Variants in CEP83 observed in about 807,000 individuals in gnomAD.
CEP83 encodes the protein centrosomal protein of 83 kDa.
Under a neutral mutation model 101.9 loss-of-function variants are expected in CEP83, and 70 were observed. The ratio of observed to expected loss-of-function variants is 0.69; its 90% confidence interval spans 0.57 to 0.84. CEP83 has a LOEUF of 0.84. Ranked by LOEUF, CEP83 falls within the 40% of genes least tolerant of loss-of-function variation. CEP83 has a pLI of 0.00. For synonymous variants in CEP83, 264 were observed against 267.9 expected, an observed-to-expected ratio of 0.99 and a Z score of 0.14; for missense variants, 715 against 787.2, an observed-to-expected ratio of 0.91 and a Z score of 1.10.
chr12:94,427,405 T>C (rs1247285410), intron 2 of CEP83, among the ~76,000 whole-genome samples: 1 of 152,244 alleles, frequency 6.6e-6, no homozygotes, highest in East Asian at 1.9e-4. Context: ...AAAAGACTAG[T>C]ACAACCTTTT....
intron 7 of CEP83, 140 bp from the exon 8 acceptor site, chr12:94,376,157 T>G (rs2061524640): frequency 2.2e-6 from 1 of 465,024 alleles, no homozygotes; most frequent in Admixed American, 4.4e-5. Flanking sequence ...TAACAAAAAT[T>G]TTCTCAAACT....
intron 1 of CEP83, among the ~76,000 whole-genome samples, chr12:94,439,427 T>C (rs959251479): frequency 7.2e-5 from 11 of 151,834 alleles, no homozygotes; most frequent in African/African-American, 2.7e-4. Context: ...CTAGAAAACC[T>C]AGAGGAGATG....
intron 6 of CEP83, among the ~76,000 whole-genome samples, chr12:94,380,797 T>A (rs558444151): frequency 2.6e-5 from 4 of 152,202 alleles, no homozygotes; most frequent in Non-Finnish European, 5.9e-5. Flanking sequence ...GTCCCCATTT[T>A]ACACATAGGG....
At chr12:94,297,176 C>T in the CEP83 span, 1 of 1,613,650 alleles carries the variant, frequency 6.2e-7, no homozygotes, top group Non-Finnish European at 8.5e-7. Context: ...CTCCCTCTTT[C>T]TCTGGCATTC....
chr12:94,456,585 A>G (rs1392177948), intron 1 of CEP83, among the ~76,000 whole-genome samples: 1 of 152,206 alleles, frequency 6.6e-6, no homozygotes, highest in Non-Finnish European at 1.5e-5. Flanking sequence ...GAAGCAAGGC[A>G]CCTTCTTCAC....
chr12:94,280,988 C>T, the CEP83 span, among the ~76,000 whole-genome samples: 3 of 152,194 alleles, frequency 2.0e-5, no homozygotes, highest in South Asian at 6.2e-4. Context: ...GTACTGAAAT[C>T]CAACACCAGG....
the CEP83 span, among the ~76,000 whole-genome samples, chr12:94,284,026 T>G: frequency 7.1e-6 from 1 of 141,830 alleles, no homozygotes; most frequent in Non-Finnish European, 1.5e-5. Flanking sequence ...GAGGTTGCAG[T>G]GAGCTGAGAT....
chr12:94,331,357 CTTTTTT>C lies in CEP83; in HGVS notation c.1707+337_1707+342del, dbSNP rs1161292599. On this transcript the variant is annotated intron_variant, in intron 14 of 16. Transcript: ENST00000397809. ...TACTCCATAGAAATCACCTTTTTTCCTTTTTTTTTTTTTTTTTTTTTTTTTTTGCGA... is the reference window on the plus strand; with the variant it reads ...TACTCCATAGAAATCACCTTTTTTCCTTTTTTTTTTTTTTTTTTTTTGCGA... Among the ~76,000 whole-genome samples, 6 of 66,796 alleles carry C rather than the reference CTTTTTT, an allele frequency of 9.0e-5. No individual in the cohort carries two copies. In the Admixed American group the frequency reaches 1.0e-3, roughly 12 times the overall value. The allele number at this position is 66,796 out of a possible 152,430, so 43.8% of individuals were successfully genotyped here. A position where few individuals can be genotyped will look rare whatever the true frequency, so the allele number is the denominator to read the frequency against.
intron 14 of CEP83, 60 bp from the exon 15 acceptor site, chr12:94,313,077 T>C: frequency 2.8e-6 from 2 of 723,574 alleles, no homozygotes; most frequent in Admixed American, 6.3e-5. Context: ...AACAAAACTA[T>C]ATAGAAAATA....
At chr12:94,316,832 G>A (rs970981420) in intron 14 of CEP83, among the ~76,000 whole-genome samples, 3 of 152,016 alleles carry the variant, frequency 2.0e-5, no homozygotes, top group Non-Finnish European at 4.4e-5. Flanking sequence ...TCCATTGATG[G>A]GCATTTAGGT....
chr12:94,361,907 G>T (rs893551661), intron 11 of CEP83, among the ~76,000 whole-genome samples: 2 of 152,090 alleles, frequency 1.3e-5, no homozygotes, highest in Admixed American at 1.3e-4. Flanking sequence ...CACCATGTTG[G>T]TCAGGCTGGT....
At chr12:94,347,690 T>C (rs1040588215) in intron 11 of CEP83, among the ~76,000 whole-genome samples, 3 of 152,150 alleles carry the variant, frequency 2.0e-5, no homozygotes, top group Non-Finnish European at 4.4e-5. Context: ...AAATAAATCA[T>C]ATTACGTTTA....
At chr12:94,379,524 A>G (rs1360772519) in intron 6 of CEP83, among the ~76,000 whole-genome samples, 12 of 152,152 alleles carry the variant, frequency 7.9e-5, no homozygotes, top group Admixed American at 3.3e-4. Context: ...GTGATTGATG[A>G]GAGTTTTTAA....
At chr12:94,305,238 C>A, downstream of CEP83, 9 of 1,611,340 alleles carry the variant, frequency 5.6e-6, no homozygotes, top group South Asian at 1.1e-5. Context: ...ACAACTCTTG[C>A]ATGTAAAAGT....
intron 1 of CEP83, among the ~76,000 whole-genome samples, chr12:94,440,640 A>G (rs1439966613): frequency 6.6e-6 from 1 of 152,092 alleles, no homozygotes; most frequent in East Asian, 1.9e-4. Flanking sequence ...ATTCAATGCA[A>G]TTCCCATCAA....
intron 1 of CEP83, among the ~76,000 whole-genome samples, chr12:94,458,063 G>A (rs923951985): frequency 6.6e-6 from 1 of 151,898 alleles, no homozygotes. Flanking sequence ...AGGGCATGGT[G>A]GCATGCACCT....
At chr12:94,312,055 A>G (rs193263032) in intron 15 of CEP83, among the ~76,000 whole-genome samples, 1 of 152,232 alleles carries the variant, frequency 6.6e-6, no homozygotes, top group Non-Finnish European at 1.5e-5. Context: ...ACCCTGAACC[A>G]TAGACGAAGA....
At chr12:94,345,361 T>C (rs1367002084) in intron 11 of CEP83, among the ~76,000 whole-genome samples, 1 of 152,198 alleles carries the variant, frequency 6.6e-6, no homozygotes, top group Admixed American at 6.5e-5. Context: ...CTTGTCCACA[T>C]TTCCTAAGTG....
chr12:94,266,922 G>C, the CEP83 span, among the ~76,000 whole-genome samples: 1 of 152,250 alleles, frequency 6.6e-6, no homozygotes, highest in African/African-American at 2.4e-5. Flanking sequence ...GGGACTGACT[G>C]AATCAGAATC....
Sources: gnomAD v4.1 joint callset for allele counts (sites outside exome capture counted in the v4.1 genomes callset) on GRCh38, gnomAD v4.1.1 for gene constraint, MANE v1.5 for transcripts, NCBI Gene and HGNC (gene_info 2026-07-23, HGNC 2026-07-21) for gene names.